CRTAC1: variants seen among roughly 807,000 people sequenced by gnomAD.
CRTAC1 encodes cartilage acidic protein 1, also known as acidic secreted protein in cartilage.
Under a neutral mutation model 67.8 loss-of-function variants are expected in CRTAC1, and 37 were observed. That is an observed-to-expected ratio of 0.55 (90% CI 0.42 to 0.72). CRTAC1 has a LOEUF of 0.72. Ranked by LOEUF, CRTAC1 falls within the 30% of genes least tolerant of loss-of-function variation. The probability of loss-of-function intolerance (pLI) is 0.00; values close to 1 mark genes in which losing one functional copy is unlikely to be tolerated. For missense variants in CRTAC1, 780 were observed against 931.6 expected (o/e 0.84, Z 2.12); for synonymous variants, 348 against 371.0 (o/e 0.94, Z 0.71).
intron 3 of CRTAC1, among the ~76,000 whole-genome samples, chr10:97,927,477 C>T (rs533113967): frequency 1.5e-3 from 232 of 152,312 alleles, no homozygotes; most frequent in Non-Finnish European, 2.8e-3. Flanking sequence ...TAGCACCCTG[C>T]GTAACTGGTG....
chr10:97,875,557 C>T (rs1316334567), intron 14 of CRTAC1, among the ~76,000 whole-genome samples: 1 of 152,220 alleles, frequency 6.6e-6, no homozygotes, highest in East Asian at 1.9e-4. Context: ...CAACTTCTGG[C>T]ATGTTCCTGG....
chr10:98,001,797 C>A (rs973584235), intron 2 of CRTAC1, among the ~76,000 whole-genome samples: 4 of 152,292 alleles, frequency 2.6e-5, no homozygotes, highest in Admixed American at 2.6e-4. Flanking sequence ...TCAAAAATAA[C>A]CTCAAAAGTT....
At chr10:97,940,218 C>A (rs1326137312) in intron 2 of CRTAC1, among the ~76,000 whole-genome samples, 1 of 152,240 alleles carries the variant, frequency 6.6e-6, no homozygotes, top group Non-Finnish European at 1.5e-5. Context: ...CACCCCATTT[C>A]ACAGATGTGG....
intron 2 of CRTAC1, among the ~76,000 whole-genome samples, chr10:97,998,649 TAAA>T (rs1842630847): frequency 6.6e-6 from 1 of 152,088 alleles, no homozygotes; most frequent in African/African-American, 2.4e-5. Context: ...TCTTTGGAAT[TAAA>T]GTGATCCCAG....
chr10:97,903,036 G>A (rs996583771), intron 7 of CRTAC1, among the ~76,000 whole-genome samples: 10 of 151,786 alleles, frequency 6.6e-5, no homozygotes, highest in South Asian at 4.2e-4. Flanking sequence ...CTGAGCTTCC[G>A]AGATAATGTA....
intron 2 of CRTAC1, among the ~76,000 whole-genome samples, chr10:97,946,418 C>T (rs1185130807): frequency 6.6e-6 from 1 of 152,154 alleles, no homozygotes; most frequent in African/African-American, 2.4e-5. Context: ...TGGCAGCATT[C>T]CCAGACTCAC....
At chr10:97,970,819 C>T (rs183140142) in intron 2 of CRTAC1, among the ~76,000 whole-genome samples, 16 of 152,292 alleles carry the variant, frequency 1.1e-4, no homozygotes, top group Admixed American at 3.3e-4. Flanking sequence ...CTGACACAGA[C>T]GGGCAGTGCT....
At chr10:97,955,354 T>C (rs1182284989) in intron 2 of CRTAC1, among the ~76,000 whole-genome samples, 2 of 152,224 alleles carry the variant, frequency 1.3e-5, no homozygotes, top group African/African-American at 4.8e-5. Flanking sequence ...TATGTTAGGA[T>C]ACTGCATAAG....
At chr10:98,025,014 T>C (rs1023869701) in intron 1 of CRTAC1, among the ~76,000 whole-genome samples, 16 of 152,164 alleles carry the variant, frequency 1.1e-4, no homozygotes, top group African/African-American at 3.9e-4. Context: ...TGGGGGAATC[T>C]GGGTAAAACG....
At chr10:97,976,131 AC>A (rs1287646606) in intron 2 of CRTAC1, among the ~76,000 whole-genome samples, 1 of 152,170 alleles carries the variant, frequency 6.6e-6, no homozygotes, top group Non-Finnish European at 1.5e-5. Context: ...TCTCATCCAG[AC>A]CTTCACTGAT....
intron 2 of CRTAC1, among the ~76,000 whole-genome samples, chr10:97,982,491 A>ATGC (rs2051907385): frequency 1.3e-5 from 2 of 152,202 alleles, no homozygotes; most frequent in South Asian, 4.1e-4. Flanking sequence ...AAGCTCAAAA[A>ATGC]TGCTGCTGCT....
In CRTAC1 at chr10:98,029,952, C is replaced by T. The variant is rs533690713; in HGVS notation, c.24+497G>A. ...CGCTGTGCCCGGGAACTCGGCTTCC[C>T]AGGGGAGGAAGAGCCAGCCCGCGGG... On this transcript the variant is annotated intron_variant, in intron 1 of 14. Transcript: ENST00000370597. This position sits in a 1 kb window ranked among gnomAD's most constrained non-coding sequence, Gnocchi z 4.7. Among the ~76,000 whole-genome samples the T allele has an allele frequency of 2.6e-5, 4 of 152,276 alleles. No individual in the cohort carries two copies. In the South Asian group the frequency reaches 8.3e-4, roughly 32 times the overall value.
intron 3 of CRTAC1, among the ~76,000 whole-genome samples, chr10:97,930,749 A>G (rs150779168): frequency 1.6e-3 from 243 of 152,152 alleles, no homozygotes; most frequent in Middle Eastern, 3.4e-3. Flanking sequence ...CCATCCAAAT[A>G]CCCTTCTCTC....
intron 6 of CRTAC1, among the ~76,000 whole-genome samples, chr10:97,905,350 G>C (rs1449894792): frequency 1.3e-5 from 2 of 152,162 alleles, no homozygotes; most frequent in African/African-American, 4.8e-5. Context: ...TGCTCAAGCA[G>C]GTCTCTACCT....
intron 5 of CRTAC1, among the ~76,000 whole-genome samples, chr10:97,909,841 C>T (rs531530981): frequency 5.9e-5 from 9 of 152,002 alleles, no homozygotes; most frequent in Non-Finnish European, 1.0e-4. Flanking sequence ...ATAAAGAAAA[C>T]GTGATATATA....
intron 11 of CRTAC1, among the ~76,000 whole-genome samples, chr10:97,893,868 C>G (rs1423502727): frequency 6.6e-6 from 1 of 152,138 alleles, no homozygotes; most frequent in Non-Finnish European, 1.5e-5. Context: ...TGGAGATGAG[C>G]TTTTTCTCCC....
intron 11 of CRTAC1, among the ~76,000 whole-genome samples, chr10:97,893,917 G>GT (rs1289846417): frequency 6.6e-6 from 1 of 152,186 alleles, no homozygotes; most frequent in Non-Finnish European, 1.5e-5. Flanking sequence ...GATCTACCAA[G>GT]TTTTTGCACG....
At chr10:97,878,717 C>T in intron 14 of CRTAC1, 1 of 1,303,288 alleles carries the variant, frequency 7.7e-7, no homozygotes, top group Non-Finnish European at 1.0e-6. Flanking sequence ...CTGAGATGAG[C>T]CAGGCCTATG....
At chr10:97,896,503 C>G (rs975088304) in intron 9 of CRTAC1, among the ~76,000 whole-genome samples, 5 of 152,140 alleles carry the variant, frequency 3.3e-5, no homozygotes, top group African/African-American at 1.2e-4. Context: ...GGACCCCTGG[C>G]CCAGTGCTCT....
Sources: gnomAD v4.1 joint callset for allele counts (sites outside exome capture counted in the v4.1 genomes callset) on GRCh38, gnomAD v4.1.1 for gene constraint, Gnocchi (gnomAD v3.1) non-coding constraint, MANE v1.5 for transcripts, NCBI Gene and HGNC (gene_info 2026-07-23, HGNC 2026-07-21) for gene names.